CADPS: variants seen among roughly 807,000 people sequenced by gnomAD.
CADPS encodes the protein calcium dependent secretion activator, also known as calcium-dependent secretion activator 1.
A neutral mutation model predicts 167.3 loss-of-function variants in CADPS; 57 were observed. The observed-to-expected ratio is 0.34, with a 90% CI of 0.28 to 0.42. CADPS has a LOEUF of 0.42. Ranked by LOEUF, CADPS falls within the 20% of genes least tolerant of loss-of-function variation. The pLI is 1.00. For synonymous variants in CADPS, 676 were observed against 635.3 expected, an observed-to-expected ratio of 1.06 and a Z score of -0.96; for missense variants, 1,414 against 1,738.1, an observed-to-expected ratio of 0.81 and a Z score of 3.32.
chr3:62,440,464 A>G (rs1266831799), intron 27 of CADPS: 3 of 150,734 alleles, frequency 2.0e-5, no homozygotes, highest in Admixed American at 1.3e-4. Context: ...TGAAAGCCAT[A>G]TATTGTAATA....
chr3:62,619,300 A>G (rs981625466), intron 6 of CADPS, among the ~76,000 whole-genome samples: 1 of 152,188 alleles, frequency 6.6e-6, no homozygotes, highest in African/African-American at 2.4e-5. Flanking sequence ...GAGGGTAAAT[A>G]AAAGGTAAAC....
intron 4 of CADPS, among the ~76,000 whole-genome samples, chr3:62,654,465 G>A (rs1369538780): frequency 6.6e-6 from 1 of 152,152 alleles, no homozygotes; most frequent in East Asian, 1.9e-4. Flanking sequence ...GGCTGAGATA[G>A]GGCCACTGCT....
intron 6 of CADPS, among the ~76,000 whole-genome samples, chr3:62,643,261 G>A (rs145839208): frequency 6.6e-6 from 1 of 152,272 alleles, no homozygotes; most frequent in East Asian, 1.9e-4. Context: ...AGTTGACCTT[G>A]GCACTATTTT....
At position 62,399,242 on chromosome 3, in the gene CADPS, G is replaced by A. The variant is rs960876450; in HGVS notation, c.*164C>T. The A allele has an allele frequency of 1.6e-5, 10 of 609,678 alleles. No individual in the cohort carries two copies. The highest frequency in any genetic ancestry group is 3.7e-5 in the African/African-American group (2 of 54,042). 37.8% of individuals were successfully genotyped at this position (609,678 alleles called of 1,614,324 possible). A position where few individuals can be genotyped will look rare whatever the true frequency, so the allele number is the denominator to read the frequency against. ...CATCAGGAAATCAGTGGATATGAAG[G>A]TCATTTGCTAATCTTGGTACCACAT... On this transcript the variant is annotated 3_prime_UTR_variant, in exon 30 of 30. Transcript: ENST00000383710. This position sits in a 1 kb window ranked among gnomAD's most constrained non-coding sequence, Gnocchi z 5.6.
chr3:62,679,365 G>A (rs1374541607), intron 3 of CADPS, among the ~76,000 whole-genome samples: 1 of 152,010 alleles, frequency 6.6e-6, no homozygotes, highest in East Asian at 1.9e-4. Context: ...AGAGGTGGAT[G>A]CTGGTCCAGA....
intron 7 of CADPS, among the ~76,000 whole-genome samples, chr3:62,590,655 A>G (rs1030653720): frequency 1.3e-5 from 2 of 152,212 alleles, no homozygotes; most frequent in South Asian, 4.2e-4. Flanking sequence ...AAAGGAAGAA[A>G]AAAAGGAAGC....
chr3:62,436,221 TAAC>T (rs1308261663), intron 28 of CADPS, among the ~76,000 whole-genome samples: 1 of 152,152 alleles, frequency 6.6e-6, no homozygotes, highest in Non-Finnish European at 1.5e-5. Flanking sequence ...GTCAATTAAG[TAAC>T]AAGCTAAACT....
At chr3:62,588,842 T>C (rs75485765) in intron 7 of CADPS, among the ~76,000 whole-genome samples, 5,175 of 152,186 alleles carry the variant, frequency 0.034, 269 homozygotes, top group African/African-American at 0.12. Flanking sequence ...AGGCACCATG[T>C]AGAGAAGTGT....
rs1257008973 is a variant in CADPS at position 62,602,121 on chromosome 3, T to C, written c.1326-9373A>G. Among the ~76,000 whole-genome samples the C allele has an allele frequency of 6.6e-6, 1 of 152,016 alleles. No homozygotes were observed. The highest frequency in any genetic ancestry group is 2.4e-5 in the African/African-American group (1 of 41,384). On this transcript the variant is annotated intron_variant, in intron 6 of 29. Coordinates refer to ENST00000383710, the MANE Select transcript of CADPS (RefSeq NM_003716.4). This position sits in a 1 kb window ranked among gnomAD's most constrained non-coding sequence, Gnocchi z 4.4. Reference sequence around the variant, plus strand: ...ACATTTGCCACATAGGGAATATACCTCCCAAAATGACAGTAAACATCCACT... The same window carrying C: ...ACATTTGCCACATAGGGAATATACCCCCCAAAATGACAGTAAACATCCACT...
At chr3:62,638,582 G>C (rs2066800252) in intron 6 of CADPS, among the ~76,000 whole-genome samples, 1 of 152,054 alleles carries the variant, frequency 6.6e-6, no homozygotes, top group Non-Finnish European at 1.5e-5. Flanking sequence ...AAAGAGTACA[G>C]CCTTGTTTCA....
At chr3:62,653,483 A>T (rs551532016) in intron 4 of CADPS, among the ~76,000 whole-genome samples, 1 of 152,196 alleles carries the variant, frequency 6.6e-6, no homozygotes, top group Non-Finnish European at 1.5e-5. Context: ...GCATTCTGTT[A>T]TAGCAGCCTG....
chr3:62,491,431 G>A lies in CADPS; in HGVS notation c.2934C>T (p.Ala978=), dbSNP rs1316647824. 6.2e-7 allele frequency: 1 copy of A among 1,613,874 alleles called. No individual in the cohort carries two copies. Among genetic ancestry groups the A allele is most frequent in the Non-Finnish European group, 8.5e-7 (1 of 1,179,950 alleles). Residue 978 remains alanine, a synonymous_variant, in exon 21 of 30, where the codon GCC becomes GCT. Coordinates refer to ENST00000383710, the MANE Select transcript of CADPS (RefSeq NM_003716.4). ...GATCCACATATCTAACAACAAGTGG[G>A]GCAAACAGGTCTTGCAGGTGTTTGT... is the stretch of plus-strand genomic sequence containing the variant. ...KFHKHLQDLF[A]PLVVRYVDLM...
At chr3:62,491,277 T>A in intron 21 of CADPS, 62 bp downstream of exon 21, 1 of 1,518,442 alleles carries the variant, frequency 6.6e-7, no homozygotes, top group South Asian at 1.2e-5. Flanking sequence ...TTAATCCATT[T>A]CTGTATTACT....
At chr3:62,681,372 G>T (rs891467580) in intron 3 of CADPS, among the ~76,000 whole-genome samples, 1 of 152,030 alleles carries the variant, frequency 6.6e-6, no homozygotes, top group East Asian at 1.9e-4. Context: ...CTCCATTAGG[G>T]TATGAGTTCC....
At chr3:62,867,436 T>C (rs1013584288) in intron 1 of CADPS, among the ~76,000 whole-genome samples, 12 of 152,100 alleles carry the variant, frequency 7.9e-5, no homozygotes, top group African/African-American at 2.7e-4. Flanking sequence ...CCATGTTACT[T>C]TTGTTCAAAG....
chr3:62,825,756 C>T (rs1000718970), intron 1 of CADPS, among the ~76,000 whole-genome samples: 2 of 152,160 alleles, frequency 1.3e-5, no homozygotes, highest in Non-Finnish European at 2.9e-5. Flanking sequence ...TTGAAAACAG[C>T]TCTTCATAGC....
chr3:62,441,975 C>T (rs1211576229), intron 27 of CADPS, among the ~76,000 whole-genome samples: 1 of 152,140 alleles, frequency 6.6e-6, no homozygotes, highest in African/African-American at 2.4e-5. Flanking sequence ...ATCCAGGCTC[C>T]ACCCCAGAAT....
At chr3:62,452,444 T>C (rs2058184198) in intron 26 of CADPS, among the ~76,000 whole-genome samples, 2 of 152,232 alleles carry the variant, frequency 1.3e-5, no homozygotes, top group African/African-American at 4.8e-5. Context: ...ACAGCTCAGA[T>C]ACAGAATACT....
chr3:62,469,839 T>C (rs935217771), intron 24 of CADPS, among the ~76,000 whole-genome samples: 2 of 152,194 alleles, frequency 1.3e-5, no homozygotes, highest in Non-Finnish European at 2.9e-5. Flanking sequence ...ACTTGCCCTA[T>C]ACTCCAAAAT....
Sources: allele counts gnomAD v4.1 joint callset (sites outside exome capture counted in the v4.1 genomes callset), GRCh38; gene constraint gnomAD v4.1.1; non-coding constraint Gnocchi (gnomAD v3.1); transcripts MANE v1.5; gene names NCBI Gene and HGNC (gene_info 2026-07-23, HGNC 2026-07-21).